Variants in MYOM1 observed in about 807,000 individuals in gnomAD.
The protein encoded by MYOM1 is myomesin-1.
Under a neutral mutation model 205.3 loss-of-function variants are expected in MYOM1, and 164 were observed. That is an observed-to-expected ratio of 0.80 (90% CI 0.70 to 0.91). The LOEUF (loss-of-function observed/expected upper bound fraction) is 0.91, where lower values mean the gene tolerates loss of function less well. Among genes scored for constraint, MYOM1 ranks in the 40% least tolerant of loss-of-function variants. The pLI, the probability that MYOM1 is intolerant of heterozygous loss-of-function variation, is 0.00. For missense variants in MYOM1, 2,011 were observed against 2,127.3 expected (o/e 0.95, Z 1.08); for synonymous variants, 772 against 789.4 (o/e 0.98, Z 0.37).
At position 3,135,463 on chromosome 18, in the gene MYOM1, T is replaced by G; in HGVS notation, c.2209+84A>C. On this transcript the variant is annotated intron_variant, in intron 15 of 37. Transcript: ENST00000356443. This position sits in a 1 kb window ranked among gnomAD's most constrained non-coding sequence, Gnocchi z 4.1. ...ATAATATGAAAGAAGGATGTCACCATTTTTACTCCTGGCCAAATATACATA... is the reference window on the plus strand; with the variant it reads ...ATAATATGAAAGAAGGATGTCACCAGTTTTACTCCTGGCCAAATATACATA... The G allele has an allele frequency of 1.6e-6, 2 of 1,280,366 alleles. No homozygotes were observed. Among genetic ancestry groups the G allele is most frequent in the Non-Finnish European group, 1.1e-6 (1 of 943,836 alleles). 79.3% of individuals were successfully genotyped at this position (1,280,366 alleles called of 1,614,324 possible).
At chr18:3,188,634 G>GAA in intron 4 of MYOM1, 114 bp downstream of exon 4, 96 of 889,180 alleles carry the variant, frequency 1.1e-4, no homozygotes, top group Middle Eastern at 5.2e-4. Context: ...ATCTCAAAAG[G>GAA]AAAAAAAAAA....
intron 34 of MYOM1, among the ~76,000 whole-genome samples, chr18:3,076,722 CT>C (rs35452841): frequency 0.034 from 4,828 of 142,934 alleles, 170 homozygotes; most frequent in African/African-American, 0.096. Flanking sequence ...AAAATGGCAG[CT>C]TTTTTTTTTT....
At chr18:3,077,561 C>T (rs1265957242) in intron 34 of MYOM1, among the ~76,000 whole-genome samples, 2 of 152,088 alleles carry the variant, frequency 1.3e-5, no homozygotes, top group Non-Finnish European at 2.9e-5. Flanking sequence ...TGTCCCCGCA[C>T]CACTCTGACA....
At chr18:3,107,732 C>T (rs1180333213) in intron 22 of MYOM1, among the ~76,000 whole-genome samples, 1 of 152,168 alleles carries the variant, frequency 6.6e-6, no homozygotes, top group Non-Finnish European at 1.5e-5. Context: ...AAAATTATGA[C>T]ATAGTTGACT....
At chr18:3,109,834 C>T (rs974411224) in intron 22 of MYOM1, among the ~76,000 whole-genome samples, 1 of 152,106 alleles carries the variant, frequency 6.6e-6, no homozygotes, top group African/African-American at 2.4e-5. Context: ...CTATGTTGCT[C>T]AGGGTGGTCT....
rs61735396 is a variant in MYOM1, at chr18:3,188,980, G to A, written c.539C>T (p.Thr180Ile). 1.0e-3 allele frequency: 1,665 copies of A among 1,613,420 alleles called. 10 individuals carry two copies. In the African/African-American group the frequency reaches 0.018, roughly 18 times the overall value. Reference sequence around the variant, plus strand: ...CTTGGATGCCGTGGACTGTTTAGATGTTGTGATTCCTTCCTCACTAGCAAG... The same window carrying A: ...CTTGGATGCCGTGGACTGTTTAGATATTGTGATTCCTTCCTCACTAGCAAG... ...NLLASEEGIT[T>I]SKQSTASKQT... Residue 180 changes from threonine (T) to isoleucine (I), a missense_variant, in exon 4 of 38, where the codon ACA becomes ATA. By Grantham distance (89) the Thr-to-Ile change is moderately conservative. Transcript: ENST00000356443.
intron 5 of MYOM1, among the ~76,000 whole-genome samples, chr18:3,181,788 G>A (rs561199817): frequency 2.0e-4 from 28 of 141,434 alleles, no homozygotes; most frequent in Admixed American, 1.9e-3. Context: ...AGGCTGTAGC[G>A]CAGTGGTGCG....
intron 33 of MYOM1, among the ~76,000 whole-genome samples, chr18:3,082,239 G>C (rs1275136426): frequency 1.3e-5 from 2 of 152,184 alleles, no homozygotes; most frequent in African/African-American, 4.8e-5. Flanking sequence ...CCGGTCCATG[G>C]CCTGGGGTTT....
chr18:3,173,830 C>T, intron 8 of MYOM1, 108 bp downstream of exon 8: 1 of 990,140 alleles, frequency 1.0e-6, no homozygotes, highest in Non-Finnish European at 1.6e-6. Context: ...TCCAACCTAG[C>T]ATATACTATG....
the MYOM1 span, among the ~76,000 whole-genome samples, chr18:3,228,291 T>C: frequency 6.6e-6 from 1 of 152,208 alleles, no homozygotes; most frequent in Non-Finnish European, 1.5e-5. The surrounding 1 kb of genome is among the most constrained non-coding windows in gnomAD (Gnocchi z 4.5). Flanking sequence ...CAGAGGGAGA[T>C]ATTCTTGTTA....
At chr18:3,149,378 C>T (rs888084454) in intron 12 of MYOM1, among the ~76,000 whole-genome samples, 177 bp from the exon 13 acceptor site, 2 of 152,158 alleles carry the variant, frequency 1.3e-5, no homozygotes, top group Admixed American at 6.5e-5. Flanking sequence ...AGCACAGCCC[C>T]GGTCCTCAAG....
intron 8 of MYOM1, 82 bp downstream of exon 8, chr18:3,173,856 A>G (rs1040598638): frequency 2.4e-6 from 3 of 1,269,992 alleles, no homozygotes. Flanking sequence ...TATAGTATGC[A>G]TTTATTTCAG....
At chr18:3,077,935 G>A (rs1046018360) in intron 34 of MYOM1, among the ~76,000 whole-genome samples, 2 of 152,090 alleles carry the variant, frequency 1.3e-5, no homozygotes, top group African/African-American at 2.4e-5. Context: ...GTGAAGACAA[G>A]GGGATTCAGC....
In MYOM1 at chr18:3,176,077, C is replaced by T. The variant is rs2080635847; in HGVS notation, c.987G>A (p.Glu329=). The part of the protein sequence containing the change: ...VHANPGKYII[E]SRYGMHTLEI... ...CCAGAGTGTGCATCCCATATCGACT[C>T]TCAATAATATACTTTCCAGGGTTTG... Residue 329 remains glutamate, a synonymous_variant, in exon 6 of 38, where the codon GAG becomes GAA. Coordinates refer to ENST00000356443, the MANE Select transcript of MYOM1 (RefSeq NM_003803.4). The T allele has an allele frequency of 6.2e-7, 1 of 1,607,718 alleles. No individual in the cohort carries two copies. Among genetic ancestry groups the T allele is most frequent in the African/African-American group, 1.3e-5 (1 of 74,902 alleles).
chr18:3,149,738 T>C (rs1448674901), intron 12 of MYOM1, among the ~76,000 whole-genome samples: 1 of 152,168 alleles, frequency 6.6e-6, no homozygotes, highest in Non-Finnish European at 1.5e-5. Flanking sequence ...GGAAAATGAA[T>C]GATACGGGTA....
the MYOM1 span, among the ~76,000 whole-genome samples, chr18:3,244,809 G>A: frequency 6.6e-6 from 1 of 152,074 alleles, no homozygotes; most frequent in East Asian, 1.9e-4. Flanking sequence ...TGAGGCACAA[G>A]AATCACCTGA....
rs1791085 is a variant in MYOM1 at position 3,215,160 on chromosome 18, C to T, written c.64G>A (p.Val22Met). ...TGGTAGTGACTCACGGTGCTGCGCA[C>T]GTCCTTGTTGCGGTAGCTGAGATCA... The part of the protein sequence containing the change: ...HYDLSYRNKD[V>M]RSTVSHYQRE... Residue 22 changes from valine to methionine, a missense_variant, in exon 2 of 38, where the codon GTG becomes ATG. By Grantham distance (21) the Val-to-Met change is conservative. Transcript: ENST00000356443. 22 of 1,613,382 alleles carry T rather than the reference C, an allele frequency of 1.4e-5. No individual in the cohort carries two copies. In the African/African-American group the frequency reaches 1.9e-4, roughly 14 times the overall value.
chr18:3,104,941 C>A (rs993057888), intron 22 of MYOM1, among the ~76,000 whole-genome samples: 9 of 151,850 alleles, frequency 5.9e-5, no homozygotes, highest in African/African-American at 1.9e-4. Flanking sequence ...TAGGGACAGG[C>A]TTTTGCCATG....
intron 25 of MYOM1, 72 bp from the exon 26 acceptor site, chr18:3,094,378 T>TA: frequency 4.2e-5 from 42 of 1,001,386 alleles, no homozygotes; most frequent in South Asian, 3.1e-4. Flanking sequence ...TTCCATCAAG[T>TA]GAAAAAAAAA....
Sources: allele counts gnomAD v4.1 joint callset (sites outside exome capture counted in the v4.1 genomes callset), GRCh38; gene constraint gnomAD v4.1.1; non-coding constraint Gnocchi (gnomAD v3.1); transcripts MANE v1.5; gene names NCBI Gene and HGNC (gene_info 2026-07-23, HGNC 2026-07-21).